ACBD5: variants seen among roughly 807,000 people sequenced by gnomAD.
ACBD5 encodes acyl-CoA-binding domain-containing protein 5.
In ACBD5, 40 loss-of-function variants were observed where a neutral mutation model predicts 71.8. That is an observed-to-expected ratio of 0.56 (90% CI 0.43 to 0.72). ACBD5 has a LOEUF of 0.72. Among genes scored for constraint, ACBD5 ranks in the 30% least tolerant of loss-of-function variants. ACBD5 has a pLI of 0.00. For missense variants in ACBD5, 559 were observed against 644.5 expected (o/e 0.87, Z 1.44); for synonymous variants, 229 against 218.6 (o/e 1.05, Z -0.42).
In ACBD5 at chr10:27,240,230, CTAAA is replaced by C; in HGVS notation, c.181+85_181+88del. On this transcript the variant is annotated intron_variant, in intron 2 of 12. Transcript: ENST00000396271. The surrounding 1 kb of genome is among the most constrained non-coding windows in gnomAD (Gnocchi z 4.1). ...CATGGCTCCTACACAGAAAAAAAGGCTAAATAAACAACACTAGAACCAGAAAGTG... is the reference window on the plus strand; with the variant it reads ...CATGGCTCCTACACAGAAAAAAAGGCTAAACAACACTAGAACCAGAAAGTG... 1 of 1,606,520 alleles carries C rather than the reference CTAAA, an allele frequency of 6.2e-7. No homozygotes were observed. Among genetic ancestry groups the C allele is most frequent in the Non-Finnish European group, 8.5e-7 (1 of 1,177,184 alleles).
At chr10:27,186,675 C>T in intron 13 of ACBD5, 1 of 809,748 alleles carries the variant, frequency 1.2e-6, no homozygotes, top group Non-Finnish European at 2.1e-6. Flanking sequence ...TACGTTACAG[C>T]TTTCACAGAG....
intron 13 of ACBD5, among the ~76,000 whole-genome samples, chr10:27,185,791 A>AG (rs527929759): frequency 8.2e-4 from 123 of 150,678 alleles, no homozygotes; most frequent in Non-Finnish European, 1.5e-3. Context: ...CATTTCAAAA[A>AG]AAAAAAAAGA....
intron 13 of ACBD5, among the ~76,000 whole-genome samples, chr10:27,188,202 T>C (rs578223595): frequency 3.7e-5 from 4 of 107,836 alleles, no homozygotes; most frequent in South Asian, 5.5e-4. Context: ...GTTTTAGTAA[T>C]AACTACTTAG....
At chr10:27,212,439 T>C (rs1035686330) in intron 8 of ACBD5, among the ~76,000 whole-genome samples, 2 of 152,168 alleles carry the variant, frequency 1.3e-5, no homozygotes, top group Admixed American at 6.6e-5. Context: ...TCTGGTCCCT[T>C]TCATCAACCT....
rs1454176768 is a variant in ACBD5 at position 27,240,495 on chromosome 10, G to T, written c.16-11C>A. 1 of 1,596,904 alleles carries T rather than the reference G, an allele frequency of 6.3e-7. No individual in the cohort carries two copies. Among genetic ancestry groups the T allele is most frequent in the Non-Finnish European group, 8.5e-7 (1 of 1,171,004 alleles). ...AGAGCCTGCATGAAACTGGAACATGGAGCGCAGCCGCGGATCAACATGCCC... is the reference window on the plus strand; with the variant it reads ...AGAGCCTGCATGAAACTGGAACATGTAGCGCAGCCGCGGATCAACATGCCC... On this transcript the variant is annotated splice_polypyrimidine_tract_variant and intron_variant, in intron 1 of 12. Transcript: ENST00000396271. The surrounding 1 kb of genome is among the most constrained non-coding windows in gnomAD (Gnocchi z 4.1).
chr10:27,198,966 G>C (rs977244260), intron 12 of ACBD5, among the ~76,000 whole-genome samples: 4 of 151,844 alleles, frequency 2.6e-5, no homozygotes, highest in African/African-American at 9.7e-5. Context: ...AAAATTAGCA[G>C]GGCATGGTGG....
chr10:27,183,859 A>C lies in ACBD5; in HGVS notation c.1494-1144T>G, dbSNP rs538873719. 7.9e-5 allele frequency among the ~76,000 whole-genome samples: 12 copies of C among 152,062 alleles called. No homozygotes were observed. In the East Asian group the frequency reaches 2.3e-3, roughly 30 times the overall value. On this transcript the variant is annotated intron_variant, in intron 13 of 13. Transcript: ENST00000676511. ...CCCAAGTAGCTGGTACTACTGGTGC[A>C]CACTACCACACCCAGCTAATTTTTG...
chr10:27,197,987 T>C lies in ACBD5; in HGVS notation c.1566-545A>G, dbSNP rs190084214. Among the ~76,000 whole-genome samples the C allele has an allele frequency of 1.7e-3, 264 of 152,330 alleles. 2 individuals carry two copies. Among genetic ancestry groups the C allele is most frequent in the Non-Finnish European group, 4.1e-4 (28 of 68,038 alleles). On this transcript the variant is annotated intron_variant, in intron 12 of 12. Transcript: ENST00000396271. ...TGTACATTCATCCTCTCTTACTTTC[T>C]AGATTCTTACCCTTTTCTAATTGGC... is the stretch of plus-strand genomic sequence containing the variant.
At chr10:27,229,285 T>C (rs1040759288) in intron 4 of ACBD5, among the ~76,000 whole-genome samples, 4 of 151,972 alleles carry the variant, frequency 2.6e-5, no homozygotes, top group African/African-American at 9.7e-5. Flanking sequence ...ATTTATACTG[T>C]AAAGAATAAT....
At position 27,240,254 on chromosome 10, in the gene ACBD5, A is replaced by G. The variant is rs181285864; in HGVS notation, c.181+65T>C. On this transcript the variant is annotated intron_variant, in intron 2 of 12. Coordinates refer to ENST00000396271, the MANE Select transcript of ACBD5 (RefSeq NM_145698.5). The surrounding 1 kb of genome is among the most constrained non-coding windows in gnomAD (Gnocchi z 4.1). ...GCTAAATAAACAACACTAGAACCAG[A>G]AAGTGAAAGGGGGCTTTGGGGCTCT... The G allele has an allele frequency of 4.1e-4, 655 of 1,613,376 alleles. 3 individuals are homozygous for G. The African/African-American group carries it at 7.6e-3, about 19-fold the overall frequency.
In ACBD5 at chr10:27,210,912, T is replaced by C. The variant is rs1166630833; in HGVS notation, c.1106A>G (p.Lys369Arg). 6.2e-7 allele frequency: 1 copy of C among 1,614,114 alleles called. No individual in the cohort carries two copies. The highest frequency in any genetic ancestry group is 8.5e-7 in the Non-Finnish European group (1 of 1,180,052). The change falls in exon 9 of 13, where the codon AAG (lysine) becomes AGG (arginine). Residue 369 changes from lysine (K) to arginine (R), a missense_variant. Lys to Arg is a conservative substitution (Grantham distance 26, BLOSUM62 2). Transcript: ENST00000396271. ...ATTCCTGCCATCTTCTCCTCCATGC[T>C]TGACTTCACCTTTTCCTTCAACTGC... ...VVAVEGKGEVKHGGEDGRNNS... is the reference protein window; with the variant it reads ...VVAVEGKGEVRHGGEDGRNNS...
chr10:27,206,586 G>T (rs2060487910), intron 10 of ACBD5, among the ~76,000 whole-genome samples: 1 of 152,098 alleles, frequency 6.6e-6, no homozygotes, highest in Non-Finnish European at 1.5e-5. Context: ...CGTGATCTAG[G>T]CTCACTGCAA....
chr10:27,208,479 A>G, intron 9 of ACBD5, 34 bp from the exon 10 acceptor site: 2 of 1,598,566 alleles, frequency 1.3e-6, no homozygotes, highest in Non-Finnish European at 1.7e-6. Context: ...CTTGTTTTAA[A>G]TAATTCTTAT....
chr10:27,217,455 C>CAA (rs34616799), intron 7 of ACBD5, among the ~76,000 whole-genome samples: 4 of 115,594 alleles, frequency 3.5e-5, no homozygotes, highest in East Asian at 2.4e-4. Flanking sequence ...GACACCATCT[C>CAA]AAAAAAAAAA....
chr10:27,217,145 CAA>C (rs375519969), intron 7 of ACBD5, among the ~76,000 whole-genome samples: 2 of 83,232 alleles, frequency 2.4e-5, no homozygotes. Flanking sequence ...GACTCTGTCT[CAA>C]AAAAAAAAAA....
chr10:27,229,800 A>T, intron 4 of ACBD5, among the ~76,000 whole-genome samples: 1 of 152,226 alleles, frequency 6.6e-6, no homozygotes, highest in East Asian at 1.9e-4. Context: ...GTTTACCTCT[A>T]AAATTGCACT....
chr10:27,186,023 C>A (rs915830613), intron 13 of ACBD5, among the ~76,000 whole-genome samples: 1 of 152,018 alleles, frequency 6.6e-6, no homozygotes. Context: ...CGGGAGGCGG[C>A]GGTTGCAGTG....
chr10:27,191,899 A>G (rs1405689169), downstream of ACBD5, among the ~76,000 whole-genome samples: 1 of 126,476 alleles, frequency 7.9e-6, no homozygotes, highest in Non-Finnish European at 1.5e-5. Flanking sequence ...AAAAAAAAAT[A>G]ATAACAATAA....
At chr10:27,191,601 T>C (rs1001339834), downstream of ACBD5, among the ~76,000 whole-genome samples, 1 of 152,158 alleles carries the variant, frequency 6.6e-6, no homozygotes, top group Non-Finnish European at 1.5e-5. Context: ...AAAAAGTCTA[T>C]GGCCAGATGC....
Sources: allele counts gnomAD v4.1 joint callset (sites outside exome capture counted in the v4.1 genomes callset), GRCh38; gene constraint gnomAD v4.1.1; non-coding constraint Gnocchi (gnomAD v3.1); transcripts MANE v1.5; gene names NCBI Gene and HGNC (gene_info 2026-07-23, HGNC 2026-07-21).